Variants in SLC29A3 observed in about 807,000 individuals in gnomAD.
SLC29A3 encodes solute carrier family 29 member 3, also known as equilibrative nucleoside transporter 3.
A neutral mutation model predicts 25.4 loss-of-function variants in SLC29A3; 18 were observed. That is an observed-to-expected ratio of 0.71 (90% CI 0.49 to 1.05). SLC29A3 has a LOEUF of 1.05. Among genes scored for constraint, SLC29A3 ranks in the 50% least tolerant of loss-of-function variants. The probability of loss-of-function intolerance (pLI) is 0.00; values close to 1 mark genes in which losing one functional copy is unlikely to be tolerated. For synonymous variants in SLC29A3, 258 were observed against 267.1 expected (o/e 0.97, Z 0.33); for missense variants, 586 against 609.0 (o/e 0.96, Z 0.40).
Position 71,340,769 on chromosome 10 carries a change from G to A in SLC29A3, c.301-3440G>A, listed in dbSNP as rs73280024. Among the ~76,000 whole-genome samples the A allele has an allele frequency of 6.8e-3, 1,042 of 152,350 alleles. 11 individuals are homozygous for A. The highest frequency in any genetic ancestry group is 0.023 in the African/African-American group (957 of 41,582). On this transcript the variant is annotated intron_variant, in intron 2 of 5. Transcript: ENST00000373189. ...CTTGGAAGCAAATGAGATGAACCCA[G>A]GAGGGACATGCCAGCTGCCTGGCTA... is the stretch of plus-strand genomic sequence containing the variant.
At chr10:71,372,004 G>A (rs1205279440) in intron 3 of SLC29A3, among the ~76,000 whole-genome samples, 1 of 152,192 alleles carries the variant, frequency 6.6e-6, no homozygotes, top group African/African-American at 2.4e-5. Flanking sequence ...AGAGGCAGGA[G>A]GATTCCTTTT....
intron 2 of SLC29A3, among the ~76,000 whole-genome samples, chr10:71,325,208 C>T (rs1845938747): frequency 6.6e-6 from 1 of 152,202 alleles, no homozygotes; most frequent in African/African-American, 2.4e-5. Flanking sequence ...GAGCTGTCCT[C>T]AGTTTTATAG....
rs141392389 is a variant in SLC29A3 at position 71,362,314 on chromosome 10, G to A, written c.1134G>A (p.Ala378=). ...AGGTGCCAGGGCCCAATAGCAAGGC[G>A]CTCCCAGGGTTCGTGCTCCTCCGGA... ...WIQVPGPNSK[A]LPGFVLLRTC... Residue 378 remains alanine (A), a synonymous_variant, in exon 6 of 6, where the codon GCG becomes GCA. Transcript: ENST00000373189. 111 of 1,614,128 alleles carry A rather than the reference G, an allele frequency of 6.9e-5. No individual in the cohort carries two copies. In the African/African-American group the frequency reaches 1.1e-3, roughly 17 times the overall value.
chr10:71,341,132 CCCCCA>C (rs1202046101), intron 2 of SLC29A3, among the ~76,000 whole-genome samples: 2 of 152,222 alleles, frequency 1.3e-5, no homozygotes, highest in Non-Finnish European at 1.5e-5. Flanking sequence ...GGGCTTGACT[CCCCCA>C]TCCTCAGGGG....
chr10:71,371,878 T>C (rs1203299361), intron 3 of SLC29A3, among the ~76,000 whole-genome samples: 1 of 152,234 alleles, frequency 6.6e-6, no homozygotes, highest in Admixed American at 6.5e-5. Flanking sequence ...TGACCACTTT[T>C]TCAATGAGGA....
At chr10:71,338,321 T>TTTTTC (rs1342236420) in intron 2 of SLC29A3, among the ~76,000 whole-genome samples, 16 of 152,218 alleles carry the variant, frequency 1.1e-4, no homozygotes, top group Admixed American at 6.5e-5. Flanking sequence ...TCTCTTAATC[T>TTTTTC]TTTTCTTTTC....
In SLC29A3 at chr10:71,369,905, G is replaced by A. The variant is rs146328277; in HGVS notation, c.*95-5790G>A. On this transcript the variant is annotated intron_variant and NMD_transcript_variant, in intron 3 of 4. Transcript: ENST00000642772. Reference sequence around the variant, plus strand: ...TCCTCTTCACCCTGCTGCCTTAAAAGATTGAGAAGGGCACTTCCAGTTTAC... The same window carrying A: ...TCCTCTTCACCCTGCTGCCTTAAAAAATTGAGAAGGGCACTTCCAGTTTAC... Among the ~76,000 whole-genome samples, 28 of 152,312 alleles carry A rather than the reference G, an allele frequency of 1.8e-4. 1 individual carries two copies. The East Asian group carries it at 4.8e-3, about 26-fold the overall frequency.
intron 3 of SLC29A3, among the ~76,000 whole-genome samples, chr10:71,373,226 T>C (rs1027476486): frequency 6.6e-6 from 1 of 152,252 alleles, no homozygotes; most frequent in African/African-American, 2.4e-5. Flanking sequence ...CTGCATTTTC[T>C]AATAATGTTG....
chr10:71,336,084 T>C (rs1475304546), intron 2 of SLC29A3, among the ~76,000 whole-genome samples: 2 of 152,212 alleles, frequency 1.3e-5, no homozygotes, highest in African/African-American at 4.8e-5. Flanking sequence ...AGCAAGGCTC[T>C]AGGGAATAAC....
chr10:71,327,577 G>T (rs1210592563), intron 2 of SLC29A3, among the ~76,000 whole-genome samples: 1 of 152,140 alleles, frequency 6.6e-6, no homozygotes, highest in African/African-American at 2.4e-5. Flanking sequence ...AGAGAGGCTA[G>T]GTAACCTGCC....
chr10:71,347,789 G>C (rs1403676592), intron 3 of SLC29A3, among the ~76,000 whole-genome samples: 1 of 152,150 alleles, frequency 6.6e-6, no homozygotes, highest in Non-Finnish European at 1.5e-5. Context: ...AATGCATTTG[G>C]TATTGACCTC....
chr10:71,341,483 C>T (rs1204636370), intron 2 of SLC29A3, among the ~76,000 whole-genome samples: 2 of 152,166 alleles, frequency 1.3e-5, no homozygotes, highest in Non-Finnish European at 2.9e-5. Flanking sequence ...ACTGCTCCTC[C>T]TGTCTCTTGG....
intron 5 of SLC29A3, among the ~76,000 whole-genome samples, chr10:71,360,520 A>C (rs1847028730): frequency 6.6e-6 from 1 of 152,374 alleles, no homozygotes. Context: ...AAGGAACTAA[A>C]CAGGTGCCTC....
intron 3 of SLC29A3, among the ~76,000 whole-genome samples, chr10:71,349,451 AG>A (rs1411550648): frequency 6.6e-6 from 1 of 152,080 alleles, no homozygotes; most frequent in Non-Finnish European, 1.5e-5. Context: ...TAGCAGTCCC[AG>A]GGAAGACTTA....
At chr10:71,340,654 G>C (rs1049932531) in intron 2 of SLC29A3, among the ~76,000 whole-genome samples, 5 of 152,206 alleles carry the variant, frequency 3.3e-5, no homozygotes, top group Non-Finnish European at 5.9e-5. Context: ...GGGCAGTCTT[G>C]TTACCATCCT....
downstream of SLC29A3, among the ~76,000 whole-genome samples, chr10:71,363,588 T>C (rs1277048240): frequency 3.3e-5 from 5 of 151,562 alleles, no homozygotes; most frequent in East Asian, 9.7e-4. Context: ...CTCAGCCTCC[T>C]GAGTAGCTGG....
chr10:71,319,483 T>A, intron 1 of SLC29A3, 173 bp downstream of exon 1: 1 of 433,414 alleles, frequency 2.3e-6, no homozygotes, highest in Admixed American at 4.5e-5. Context: ...CTCCTTGCTC[T>A]CTGCCACCCC....
chr10:71,319,495 CT>C, intron 1 of SLC29A3, 185 bp downstream of exon 1: 1 of 428,274 alleles, frequency 2.3e-6, no homozygotes, highest in Non-Finnish European at 4.1e-6. Context: ...TGCCACCCCT[CT>C]TTCTGGGTCT....
intron 3 of SLC29A3, among the ~76,000 whole-genome samples, chr10:71,372,220 C>A (rs1471284759): frequency 6.6e-6 from 1 of 152,204 alleles, no homozygotes; most frequent in Non-Finnish European, 1.5e-5. Flanking sequence ...GGAACTACTG[C>A]TTATTGAGCA....
Sources: gnomAD v4.1 joint callset for allele counts (sites outside exome capture counted in the v4.1 genomes callset) on GRCh38, gnomAD v4.1.1 for gene constraint, MANE v1.5 for transcripts, NCBI Gene and HGNC (gene_info 2026-07-23, HGNC 2026-07-21) for gene names.